Variants in PTPRJ observed in about 807,000 individuals in gnomAD.
The protein encoded by PTPRJ is protein tyrosine phosphatase receptor type J.
Under a neutral mutation model 141.3 loss-of-function variants are expected in PTPRJ, and 129 were observed. The ratio of observed to expected loss-of-function variants is 0.91; its 90% CI spans 0.79 to 1.06. The LOEUF (loss-of-function observed/expected upper bound fraction) is 1.06. PTPRJ is among the 50% of genes least tolerant of loss of function. The probability of loss-of-function intolerance (pLI) is 0.00; values close to 1 mark genes in which losing one functional copy is unlikely to be tolerated. For synonymous variants in PTPRJ, 610 were observed against 640.5 expected (o/e 0.95, Z 0.72); for missense variants, 1,601 against 1,679.7 (o/e 0.95, Z 0.82).
chr11:48,150,180 C>A lies in PTPRJ; in HGVS notation c.3135C>A (p.Tyr1045Ter). ...CCAACTGTGGGTTCGCAGAGGAATACGAAGTATGTTGCTGTAAATACTGTT... is the reference window on the plus strand; with the variant it reads ...CCAACTGTGGGTTCGCAGAGGAATAAGAAGTATGTTGCTGTAAATACTGTT... ...ADSNCGFAEE[Y>*]EDLKLVGISQ... The change falls in exon 18 of 25, where the codon TAC becomes TAA. Residue 1045 changes from tyrosine to a stop codon, truncating the protein, a stop_gained. Coordinates refer to ENST00000418331, the MANE Select transcript of PTPRJ (RefSeq NM_002843.4). LOFTEE classifies it high-confidence loss of function. 1 of 1,613,078 alleles carries A rather than the reference C, an allele frequency of 6.2e-7. No homozygotes were observed. The highest frequency in any genetic ancestry group is 8.5e-7 in the Non-Finnish European group (1 of 1,179,172).
rs766053844 is a variant in PTPRJ, at chr11:48,153,776, C to T, written c.3139-20C>T. 1 of 1,504,850 alleles carries T rather than the reference C, an allele frequency of 6.6e-7. No individual in the cohort carries two copies. The highest frequency in any genetic ancestry group is 1.4e-5 in the African/African-American group (1 of 72,802). The allele number at this position is 1,504,850 out of a possible 1,614,324, so 93.2% of individuals were successfully genotyped here. A position where few individuals can be genotyped will look rare whatever the true frequency, so the allele number is the denominator to read the frequency against. Reference sequence around the variant, plus strand: ...ATTTGAAGACTAAATAAATGAACACCTCATTTGTTTTGTTTTCAGGATCTG... The same window carrying T: ...ATTTGAAGACTAAATAAATGAACACTTCATTTGTTTTGTTTTCAGGATCTG... On this transcript the variant is annotated intron_variant, in intron 18 of 24. Coordinates refer to ENST00000418331, the MANE Select transcript of PTPRJ (RefSeq NM_002843.4).
intron 1 of PTPRJ, among the ~76,000 whole-genome samples, chr11:47,995,051 C>A (rs931169891): frequency 6.6e-6 from 1 of 152,194 alleles, no homozygotes; most frequent in Non-Finnish European, 1.5e-5. Flanking sequence ...TTAGCTGTTG[C>A]ATCCATTCCA....
At chr11:48,112,700 C>G (rs1254946988) in intron 2 of PTPRJ, 47 bp from the exon 3 acceptor site, 3 of 1,425,320 alleles carry the variant, frequency 2.1e-6, no homozygotes, top group Non-Finnish European at 3.0e-6. Flanking sequence ...ATCCCTGTCT[C>G]CTGGAGAAAT....
At chr11:48,027,165 C>T (rs1298071085) in intron 1 of PTPRJ, among the ~76,000 whole-genome samples, 2 of 151,582 alleles carry the variant, frequency 1.3e-5, no homozygotes, top group Non-Finnish European at 2.9e-5. Flanking sequence ...CCACCGCGCC[C>T]AGCTAATTTT....
intron 1 of PTPRJ, among the ~76,000 whole-genome samples, chr11:47,992,054 C>T (rs1232902092): frequency 6.6e-6 from 1 of 152,112 alleles, no homozygotes; most frequent in Non-Finnish European, 1.5e-5. Context: ...TTGAGTTTGT[C>T]ATTGTTATTG....
At chr11:48,034,062 TC>T (rs1450976969) in intron 1 of PTPRJ, among the ~76,000 whole-genome samples, 1 of 152,208 alleles carries the variant, frequency 6.6e-6, no homozygotes, top group Non-Finnish European at 1.5e-5. Flanking sequence ...GGAGTCCTTC[TC>T]ACTTGGGTGG....
chr11:48,120,484 G>C (rs1012722268), intron 3 of PTPRJ, among the ~76,000 whole-genome samples: 2 of 152,130 alleles, frequency 1.3e-5, no homozygotes, highest in African/African-American at 4.8e-5. Flanking sequence ...GGAGTGCAGT[G>C]GCGCGATCTT....
chr11:48,152,198 C>T (rs145310201), intron 18 of PTPRJ, among the ~76,000 whole-genome samples: 105,464 of 151,492 alleles, frequency 0.7, 37,603 homozygotes, highest in South Asian at 0.79. Context: ...TGATGGCCAG[C>T]GATGATGAGC....
intron 1 of PTPRJ, among the ~76,000 whole-genome samples, chr11:48,059,587 A>C (rs1413800573): frequency 6.6e-6 from 1 of 152,202 alleles, no homozygotes; most frequent in East Asian, 1.9e-4. Flanking sequence ...TCCTGTAACA[A>C]ATACTGAAGG....
At position 48,101,182 on chromosome 11, in the gene PTPRJ, C is replaced by T. The variant is rs1334602828; in HGVS notation, c.97-8876C>T. ...TAATCCCCTCACCAAGCTTGCAGAG[C>T]GGATGGTAACTGACAGGTGAAAAAA... On this transcript the variant is annotated intron_variant, in intron 1 of 24. Transcript: ENST00000418331. Among the ~76,000 whole-genome samples the T allele has an allele frequency of 2.9e-4, 44 of 152,170 alleles. 1 individual carries two copies. Among genetic ancestry groups the T allele is most frequent in the Admixed American group, 2.6e-3 (40 of 15,270 alleles).
chr11:48,138,660 G>A (rs1391164308), intron 10 of PTPRJ, among the ~76,000 whole-genome samples: 1 of 152,288 alleles, frequency 6.6e-6, no homozygotes, highest in East Asian at 1.9e-4. Context: ...CATCATCAAT[G>A]GATGATGCAG....
chr11:48,140,982 A>G (rs1452066547), intron 11 of PTPRJ, among the ~76,000 whole-genome samples: 1 of 152,074 alleles, frequency 6.6e-6, no homozygotes, highest in Non-Finnish European at 1.5e-5. Context: ...ACAGGTTTAG[A>G]CAATTATGTT....
chr11:48,020,687 C>A (rs911601200), intron 1 of PTPRJ, among the ~76,000 whole-genome samples: 2 of 152,180 alleles, frequency 1.3e-5, no homozygotes, highest in Admixed American at 6.5e-5. Context: ...CCTGTCGATT[C>A]CACAGTTGCC....
At position 48,144,647 on chromosome 11, in the gene PTPRJ, T is replaced by G. The variant is rs770239611; in HGVS notation, c.2576-28T>G. 3 of 1,568,296 alleles carry G rather than the reference T, an allele frequency of 1.9e-6. 1 individual carries two copies. The South Asian group carries it at 3.3e-5, about 17-fold the overall frequency. On this transcript the variant is annotated intron_variant, in intron 12 of 24. Coordinates refer to ENST00000418331, the MANE Select transcript of PTPRJ (RefSeq NM_002843.4). ...AAATCTCTCTGCCATCACTTTCTTA[T>G]GATTCTCCTTCTGTGTACCTTTCTT... is the stretch of plus-strand genomic sequence containing the variant.
intron 21 of PTPRJ, among the ~76,000 whole-genome samples, chr11:48,156,383 A>G (rs1226147212): frequency 6.6e-6 from 1 of 152,132 alleles, no homozygotes. Context: ...GTTAGTAAAT[A>G]GCAAAATCTC....
intron 7 of PTPRJ, 31 bp downstream of exon 7, chr11:48,128,074 T>G: frequency 6.3e-7 from 1 of 1,595,404 alleles, no homozygotes; most frequent in African/African-American, 1.3e-5. Context: ...CACCACCCTT[T>G]CCTGCTGTCC....
intron 1 of PTPRJ, among the ~76,000 whole-genome samples, chr11:48,093,209 C>T (rs943009535): frequency 7.2e-5 from 11 of 152,122 alleles, no homozygotes; most frequent in African/African-American, 2.7e-4. Context: ...TTGTCCTTGT[C>T]TGTCCTGGTA....
rs950175942 is a variant in PTPRJ, at chr11:47,982,572, A to G, written c.96+1564A>G. On this transcript the variant is annotated intron_variant, in intron 1 of 24. Coordinates refer to ENST00000418331, the MANE Select transcript of PTPRJ (RefSeq NM_002843.4). ...TGAAGATTTCTTGTATCAAAAGTTT[A>G]TGCTAAAACAAAAACCACAAAAAAC... Among the ~76,000 whole-genome samples, 6 of 152,116 alleles carry G rather than the reference A, an allele frequency of 3.9e-5. No individual in the cohort carries two copies. In the East Asian group the frequency reaches 9.6e-4, roughly 24 times the overall value.
Position 48,137,007 on chromosome 11 carries a change from C to G in PTPRJ, c.1878C>G (p.Pro626=). The G allele has an allele frequency of 1.3e-6, 2 of 1,598,458 alleles. No individual in the cohort carries two copies. The highest frequency in any genetic ancestry group is 1.7e-6 in the Non-Finnish European group (2 of 1,166,288). The change falls in exon 10 of 25, where the codon CCC becomes CCG. Residue 626 remains proline (P), a synonymous_variant. Transcript: ENST00000418331. ...TGCCTTTTTTTTAAAATCAAGGGCC[C>G]AGCAATGTGTCCAACATTGATGTAA... ...DPNSTAQYTR[P]SNVSNIDVST...
Sources: allele counts gnomAD v4.1 joint callset (sites outside exome capture counted in the v4.1 genomes callset), GRCh38; gene constraint gnomAD v4.1.1; transcripts MANE v1.5; gene names NCBI Gene and HGNC (gene_info 2026-07-23, HGNC 2026-07-21).